Variants in CDH6 observed in about 807,000 individuals in gnomAD.
CDH6 encodes cadherin-6.
Under a neutral mutation model 78.0 loss-of-function variants are expected in CDH6, and 31 were observed. That is an observed-to-expected ratio of 0.40 (90% CI 0.30 to 0.54). The LOEUF (loss-of-function observed/expected upper bound fraction) is 0.54. Ranked by LOEUF, CDH6 falls within the 20% of genes least tolerant of loss-of-function variation. The pLI is 0.56. For synonymous variants in CDH6, 376 were observed against 368.8 expected (o/e 1.02, Z -0.23); for missense variants, 724 against 975.9 (o/e 0.74, Z 3.44).
At chr5:31,290,719 TG>T (rs1293607340) in intron 2 of CDH6, among the ~76,000 whole-genome samples, 1 of 150,562 alleles carries the variant, frequency 6.6e-6, no homozygotes, top group Admixed American at 6.6e-5. Context: ...AGGAGGAGAG[TG>T]GGGAGAAAAA....
chr5:31,299,642 T>G lies in CDH6; in HGVS notation c.811+11T>G, dbSNP rs895980075. 3.8e-6 allele frequency: 6 copies of G among 1,596,392 alleles called. No individual in the cohort carries two copies. The Admixed American group carries it at 1.0e-4, about 27-fold the overall frequency. On this transcript the variant is annotated intron_variant, in intron 5 of 11. Coordinates refer to ENST00000265071, the MANE Select transcript of CDH6 (RefSeq NM_004932.4). The stretch of plus-strand genomic sequence containing the variant: ...CCCGATTCCCCCAGAGTAGGAACAT[T>G]TGATTGAATGAATTTCTTCAATGTG...
intron 1 of CDH6, among the ~76,000 whole-genome samples, chr5:31,258,787 AGAC>A (rs1209286947): frequency 6.6e-6 from 1 of 152,090 alleles, no homozygotes; most frequent in Non-Finnish European, 1.5e-5. Context: ...TACCTCTTGG[AGAC>A]CTCCGTTGGT....
chr5:31,293,830 T>TAAAA lies in CDH6; in HGVS notation c.229-122_229-119dup, dbSNP rs200606558. 1,850 of 448,758 alleles carry TAAAA rather than the reference T, an allele frequency of 4.1e-3. 6 individuals carry two copies. Among genetic ancestry groups the TAAAA allele is most frequent in the African/African-American group, 0.014 (638 of 47,196 alleles). The allele number at this position is 448,758 out of a possible 1,614,324, so 27.8% of individuals were successfully genotyped here. On this transcript the variant is annotated intron_variant, in intron 2 of 11. Transcript: ENST00000265071. ...TACCATTAAGAGGTTACGTAAATAG[T>TAAAA]AAAAAAAAAAAAACTTGTATTCCTT...
chr5:31,302,481 T>C lies in CDH6; in HGVS notation c.999+183T>C, dbSNP rs188967835. The C allele has an allele frequency of 1.0e-5, 5 of 481,424 alleles. No individual in the cohort carries two copies. The East Asian group carries it at 1.6e-4, about 15-fold the overall frequency. 29.8% of individuals were successfully genotyped at this position (481,424 alleles called of 1,614,324 possible). A position where few individuals can be genotyped will look rare whatever the true frequency, so the allele number is the denominator to read the frequency against. ...CTCCCGCCTGTAATCCCAGCACTTT[T>C]GGGGGCCAAGGCAGGAGGATCTCTT... On this transcript the variant is annotated intron_variant, in intron 6 of 11. Transcript: ENST00000265071.
chr5:31,252,006 T>C (rs1741922098), intron 1 of CDH6, among the ~76,000 whole-genome samples: 1 of 152,192 alleles, frequency 6.6e-6, no homozygotes, highest in Non-Finnish European at 1.5e-5. Context: ...TTAGTCCATA[T>C]CCATCAAGAA....
chr5:31,321,255 G>A (rs1275891986), intron 11 of CDH6, among the ~76,000 whole-genome samples: 1 of 138,476 alleles, frequency 7.2e-6, no homozygotes, highest in Non-Finnish European at 1.5e-5. Flanking sequence ...TACCCTGAAT[G>A]GTTGCATCAA....
chr5:31,267,711 C>T lies in CDH6; in HGVS notation c.228+10C>T, dbSNP rs1561050390. 1.3e-6 allele frequency: 2 copies of T among 1,587,518 alleles called. No homozygotes were observed. The highest frequency in any genetic ancestry group is 1.1e-5 in the South Asian group (1 of 90,562). ...TCAGTATGTGGGCAAGGTAGGATTC[C>T]TTTGAGTGCTTTGACATTCTGGGTT... On this transcript the variant is annotated intron_variant, in intron 2 of 11. Transcript: ENST00000265071.
intron 1 of CDH6, among the ~76,000 whole-genome samples, chr5:31,214,046 C>T (rs1276817935): frequency 6.6e-6 from 1 of 151,136 alleles, no homozygotes; most frequent in African/African-American, 2.4e-5. Flanking sequence ...AGCTCTGGAA[C>T]GTCACAACTG....
At chr5:31,307,077 C>T (rs887703976) in intron 7 of CDH6, among the ~76,000 whole-genome samples, 4 of 151,854 alleles carry the variant, frequency 2.6e-5, no homozygotes, top group Non-Finnish European at 5.9e-5. Context: ...GAGAGGGAGG[C>T]GAGGTCAGAT....
intron 2 of CDH6, among the ~76,000 whole-genome samples, chr5:31,280,273 C>T (rs1220090646): frequency 6.6e-6 from 1 of 152,164 alleles, no homozygotes; most frequent in African/African-American, 2.4e-5. Context: ...AGATAGGGAG[C>T]AATGATAATA....
intron 1 of CDH6, among the ~76,000 whole-genome samples, chr5:31,208,890 A>G (rs1461837686): frequency 1.3e-5 from 2 of 152,198 alleles, no homozygotes; most frequent in Non-Finnish European, 2.9e-5. Context: ...AATTCAACTG[A>G]TTATGTAGTC....
intron 1 of CDH6, among the ~76,000 whole-genome samples, chr5:31,204,181 G>C (rs1740449692): frequency 6.6e-6 from 1 of 152,132 alleles, no homozygotes; most frequent in African/African-American, 2.4e-5. Context: ...GTTCACTTTT[G>C]ATTCTGTTAC....
intron 2 of CDH6, among the ~76,000 whole-genome samples, chr5:31,291,685 C>T (rs552264091): frequency 1.3e-5 from 2 of 152,346 alleles, no homozygotes; most frequent in South Asian, 2.1e-4. Flanking sequence ...TTTCCTTACT[C>T]ATGGGTTAAT....
rs377510915 is a variant in CDH6 at position 31,233,551 on chromosome 5, A to T, written c.-128-33795A>T. Among the ~76,000 whole-genome samples the T allele has an allele frequency of 4.0e-5, 6 of 151,454 alleles. No homozygotes were observed. In the East Asian group the frequency reaches 1.2e-3, roughly 29 times the overall value. ...ACAAAACAAAAACTTTGCTTATCATATTTCCTTGTTATTGCTTATCATTAC... is the reference window on the plus strand; with the variant it reads ...ACAAAACAAAAACTTTGCTTATCATTTTTCCTTGTTATTGCTTATCATTAC... On this transcript the variant is annotated intron_variant, in intron 1 of 11. Coordinates refer to ENST00000265071, the MANE Select transcript of CDH6 (RefSeq NM_004932.4).
chr5:31,324,119 G>T lies in CDH6; in HGVS notation c.*811G>T, dbSNP rs1738556231. 4.5e-6 allele frequency: 1 copy of T among 221,382 alleles called. No individual in the cohort carries two copies. Among genetic ancestry groups the T allele is most frequent in the Admixed American group, 5.8e-5 (1 of 17,336 alleles). 13.7% of individuals were successfully genotyped at this position (221,382 alleles called of 1,614,324 possible). On this transcript the variant is annotated 3_prime_UTR_variant, in exon 12 of 12. Coordinates refer to ENST00000265071, the MANE Select transcript of CDH6 (RefSeq NM_004932.4). ...GTTTTGGCCACCACATGTATCACGG[G>T]TCACTTGAAATTCTTTCAGCTATCA...
At position 31,302,968 on chromosome 5, in the gene CDH6, G is replaced by GAAAGAAAGAAAGAAAGAAAGA. The variant is rs1737871676; in HGVS notation, c.999+689_999+690insGAAAAGAAAGAAAGAAAGAAA. Among the ~76,000 whole-genome samples the GAAAGAAAGAAAGAAAGAAAGA allele has an allele frequency of 3.4e-4, 40 of 119,092 alleles. 1 individual carries two copies. Among genetic ancestry groups the GAAAGAAAGAAAGAAAGAAAGA allele is most frequent in the South Asian group, 5.9e-4 (2 of 3,392 alleles). The allele number at this position is 119,092 out of a possible 152,430, so 78.1% of individuals were successfully genotyped here. On this transcript the variant is annotated intron_variant, in intron 6 of 11. Transcript: ENST00000265071. ...GAAAGAAAGAAAGAAGGAAAGAAAA[G>GAAAGAAAGAAAGAAAGAAAGA]AAAGAAAGAAAGAAAGAAAACCAAT...
chr5:31,260,443 T>A (rs1179951345), intron 1 of CDH6, among the ~76,000 whole-genome samples: 1 of 152,222 alleles, frequency 6.6e-6, no homozygotes, highest in Non-Finnish European at 1.5e-5. Context: ...AGAAAAACTT[T>A]GTCTTTATGC....
chr5:31,289,213 C>T (rs1357256570), intron 2 of CDH6, among the ~76,000 whole-genome samples: 1 of 152,144 alleles, frequency 6.6e-6, no homozygotes, highest in East Asian at 1.9e-4. Flanking sequence ...TAAGTAAGAA[C>T]ATGTGGTATT....
Position 31,297,420 on chromosome 5 carries a change from TG to T in CDH6, c.643+13del, listed in dbSNP as rs1561063221. 1.3e-6 allele frequency: 2 copies of T among 1,579,816 alleles called. No individual in the cohort carries two copies. The highest frequency in any genetic ancestry group is 1.7e-6 in the Non-Finnish European group (2 of 1,161,670). On this transcript the variant is annotated intron_variant, in intron 4 of 11. Coordinates refer to ENST00000265071, the MANE Select transcript of CDH6 (RefSeq NM_004932.4). ...TGAATCAGAAACAGGTTAGACTTTT[TG>T]ATCTTCCTTTTTATAATCTATAATT...
Sources: gnomAD v4.1 joint callset for allele counts (sites outside exome capture counted in the v4.1 genomes callset) on GRCh38, gnomAD v4.1.1 for gene constraint, MANE v1.5 for transcripts, NCBI Gene and HGNC (gene_info 2026-07-23, HGNC 2026-07-21) for gene names.